THRB: variants seen among roughly 807,000 people sequenced by gnomAD.
THRB encodes the protein thyroid hormone receptor beta.
In THRB, 12 loss-of-function variants were observed where a neutral mutation model predicts 47.8. The ratio of observed to expected loss-of-function variants is 0.25; its 90% CI spans 0.16 to 0.41. The LOEUF (loss-of-function observed/expected upper bound fraction) is 0.41, where lower values mean the gene tolerates loss of function less well. Among genes scored for constraint, THRB ranks in the 10% least tolerant of loss-of-function variants. THRB has a pLI of 1.00. For missense variants in THRB, 348 were observed against 589.2 expected (o/e 0.59, Z 4.24); for synonymous variants, 218 against 212.2 (o/e 1.03, Z -0.24).
chr3:24,146,709 A>G lies in THRB; in HGVS notation c.498T>C (p.Phe166=). Reference sequence around the variant, plus strand: ...CCATGCCAACATAGATGCATTTCTTAAAGCGACATTCCTGGCACTGATTTC... The same window carrying G: ...CCATGCCAACATAGATGCATTTCTTGAAGCGACATTCCTGGCACTGATTTC... ...VTRNQCQECR[F]KKCIYVGMAT... is the part of the protein sequence containing the mutation. Residue 166 remains phenylalanine, a synonymous_variant, in exon 7 of 11, where the codon TTT becomes TTC. Coordinates refer to ENST00000646209, the MANE Select transcript of THRB (RefSeq NM_001354712.2). 2 of 1,614,218 alleles carry G rather than the reference A, an allele frequency of 1.2e-6. No individual in the cohort carries two copies. The highest frequency in any genetic ancestry group is 2.2e-5 in the East Asian group (1 of 44,884).
At chr3:24,385,412 TACAC>T (rs111954578) in intron 1 of THRB, among the ~76,000 whole-genome samples, 487 of 145,298 alleles carry the variant, frequency 3.4e-3, no homozygotes, top group Middle Eastern at 0.018. Context: ...CACACACACA[TACAC>T]ACACACACAC....
At chr3:24,312,252 A>AT (rs1425065572) in intron 2 of THRB, among the ~76,000 whole-genome samples, 1 of 152,170 alleles carries the variant, frequency 6.6e-6, no homozygotes, top group Non-Finnish European at 1.5e-5. Flanking sequence ...CCTCATTGTA[A>AT]TTATCTTCTG....
intron 1 of THRB, among the ~76,000 whole-genome samples, chr3:24,351,946 T>G (rs2063382878): frequency 6.6e-6 from 1 of 152,174 alleles, no homozygotes; most frequent in African/African-American, 2.4e-5. Flanking sequence ...GCCAGCTCAT[T>G]CTGAGAAACA....
At chr3:24,298,520 T>G (rs1161908377) in intron 2 of THRB, among the ~76,000 whole-genome samples, 1 of 152,264 alleles carries the variant, frequency 6.6e-6, no homozygotes, top group Non-Finnish European at 1.5e-5. Flanking sequence ...TGTTTATGAT[T>G]ATTTTAAACA....
intron 1 of THRB, among the ~76,000 whole-genome samples, chr3:24,479,152 A>T (rs1203633054): frequency 6.6e-6 from 1 of 151,956 alleles, no homozygotes; most frequent in Non-Finnish European, 1.5e-5. Context: ...CAAAAAAAAA[A>T]TTTGCCTGGC....
At chr3:24,141,046 G>C (rs776449867) in intron 8 of THRB, among the ~76,000 whole-genome samples, 2 of 152,172 alleles carry the variant, frequency 1.3e-5, no homozygotes, top group East Asian at 3.8e-4. Context: ...AAAATGGCTC[G>C]GAGAAGCAGT....
At chr3:24,464,718 TATTGA>T (rs1479963939) in intron 1 of THRB, among the ~76,000 whole-genome samples, 1 of 152,344 alleles carries the variant, frequency 6.6e-6, no homozygotes, top group East Asian at 1.9e-4. Context: ...TCCTGATCTC[TATTGA>T]ATTGATTATT....
intron 3 of THRB, among the ~76,000 whole-genome samples, chr3:24,244,856 G>A (rs1005308095): frequency 6.6e-6 from 1 of 152,184 alleles, no homozygotes; most frequent in African/African-American, 2.4e-5. Context: ...AATGCTGCAT[G>A]GTTACAACTC....
At position 24,353,587 on chromosome 3, in the gene THRB, C is replaced by T. The variant is rs2063491465; in HGVS notation, c.-260-16216G>A. On this transcript the variant is annotated intron_variant, in intron 1 of 10. Transcript: ENST00000646209. Reference sequence around the variant, plus strand: ...GAACTGTGCAGGTCAGTGTGGATATCACCAAAGGCTCAGTGTTGCATTGCC... The same window carrying T: ...GAACTGTGCAGGTCAGTGTGGATATTACCAAAGGCTCAGTGTTGCATTGCC... 2.0e-5 allele frequency among the ~76,000 whole-genome samples: 3 copies of T among 152,174 alleles called. 1 individual carries two copies. In the South Asian group the frequency reaches 6.2e-4, roughly 32 times the overall value.
chr3:24,354,615 A>T (rs1010700124), intron 1 of THRB, among the ~76,000 whole-genome samples: 3 of 152,166 alleles, frequency 2.0e-5, no homozygotes, highest in Non-Finnish European at 4.4e-5. Flanking sequence ...CACTGGAGGA[A>T]GGAGAAGGAA....
At chr3:24,380,815 CG>C (rs2065650767) in intron 1 of THRB, among the ~76,000 whole-genome samples, 1 of 152,100 alleles carries the variant, frequency 6.6e-6, no homozygotes, top group Non-Finnish European at 1.5e-5. Flanking sequence ...CAAGGTCACA[CG>C]GTCAAAATTT....
intron 1 of THRB, among the ~76,000 whole-genome samples, chr3:24,346,698 A>G (rs530322869): frequency 2.0e-5 from 3 of 152,172 alleles, no homozygotes; most frequent in African/African-American, 7.2e-5. Context: ...AAGACATTTC[A>G]TAATAGTAAA....
chr3:24,195,710 C>G lies in THRB; in HGVS notation c.23-5376G>C, dbSNP rs544476509. ...GAGCTCCTCACCCATGGCTCTGCCC[C>G]CTTCTCTCTATCCTCCAGCCACATG... On this transcript the variant is annotated intron_variant, in intron 4 of 10. Transcript: ENST00000646209. Among the ~76,000 whole-genome samples the G allele has an allele frequency of 5.9e-5, 9 of 152,318 alleles. No individual in the cohort carries two copies. The South Asian group carries it at 1.7e-3, about 28-fold the overall frequency.
chr3:24,165,068 G>T, intron 5 of THRB: 1 of 763,176 alleles, frequency 1.3e-6, no homozygotes, highest in Non-Finnish European at 2.4e-6. Context: ...TTGAGAAAAA[G>T]TAGGCTTTTC....
intron 1 of THRB, among the ~76,000 whole-genome samples, chr3:24,398,420 T>C (rs2067137748): frequency 6.6e-6 from 1 of 152,130 alleles, no homozygotes; most frequent in African/African-American, 2.4e-5. Flanking sequence ...GGGCGAAGGA[T>C]ATGAACAGAC....
chr3:24,288,476 CTTTT>C (rs535371313), intron 3 of THRB, among the ~76,000 whole-genome samples: 1 of 151,664 alleles, frequency 6.6e-6, no homozygotes, highest in African/African-American at 2.4e-5. Context: ...TGTGACTGCT[CTTTT>C]TTTTTAACCC....
intron 4 of THRB, among the ~76,000 whole-genome samples, chr3:24,192,847 G>T (rs1484308942): frequency 6.6e-6 from 1 of 152,184 alleles, no homozygotes; most frequent in African/African-American, 2.4e-5. Flanking sequence ...ATTACTGTCT[G>T]TAATTACATT....
At chr3:24,419,173 T>C (rs924022169) in intron 1 of THRB, among the ~76,000 whole-genome samples, 1 of 151,904 alleles carries the variant, frequency 6.6e-6, no homozygotes, top group Admixed American at 6.6e-5. Flanking sequence ...ATATTGGGAA[T>C]ATTGGCAAAA....
chr3:24,217,699 T>A (rs1266024552), intron 4 of THRB, among the ~76,000 whole-genome samples: 1 of 152,184 alleles, frequency 6.6e-6, no homozygotes, highest in East Asian at 1.9e-4. Context: ...TATGACTTCC[T>A]ACATGATGTG....
Sources: allele counts gnomAD v4.1 joint callset (sites outside exome capture counted in the v4.1 genomes callset), GRCh38; gene constraint gnomAD v4.1.1; transcripts MANE v1.5; gene names NCBI Gene and HGNC (gene_info 2026-07-23, HGNC 2026-07-21).